Variants in PAPSS1 observed in about 807,000 individuals in gnomAD.
PAPSS1 encodes 3'-phosphoadenosine 5'-phosphosulfate synthase 1.
In PAPSS1, 50 loss-of-function variants were observed where a neutral mutation model predicts 72.0. The observed-to-expected ratio is 0.69, with a 90% CI of 0.55 to 0.88. PAPSS1 has a LOEUF of 0.88. PAPSS1 is among the 40% of genes least tolerant of loss of function. PAPSS1 has a pLI of 0.00. For synonymous variants in PAPSS1, 261 were observed against 263.6 expected (o/e 0.99, Z 0.09); for missense variants, 657 against 782.2 (o/e 0.84, Z 1.91).
At chr4:107,704,895 G>A (rs777195003) in intron 1 of PAPSS1, among the ~76,000 whole-genome samples, 16 of 151,400 alleles carry the variant, frequency 1.1e-4, no homozygotes, top group Non-Finnish European at 1.9e-4. Flanking sequence ...AGGTTGCAGT[G>A]AGCCAAGATC....
chr4:107,664,925 C>T (rs867694664), intron 5 of PAPSS1, among the ~76,000 whole-genome samples: 1 of 152,274 alleles, frequency 6.6e-6, no homozygotes, highest in African/African-American at 2.4e-5. Flanking sequence ...TCATTAGAAG[C>T]ATTTCATAAA....
intron 9 of PAPSS1, among the ~76,000 whole-genome samples, chr4:107,650,868 T>C (rs1726820873): frequency 6.6e-6 from 1 of 152,132 alleles, no homozygotes; most frequent in South Asian, 2.1e-4. Flanking sequence ...ACAGAATTTG[T>C]CTGGCATAAG....
At chr4:107,698,618 G>A (rs1034339401) in intron 2 of PAPSS1, among the ~76,000 whole-genome samples, 2 of 152,128 alleles carry the variant, frequency 1.3e-5, no homozygotes, top group Non-Finnish European at 2.9e-5. Context: ...ACTCACTGTG[G>A]GGAAAAGTAC....
chr4:107,698,533 G>A (rs926403909), intron 2 of PAPSS1, among the ~76,000 whole-genome samples: 2 of 152,158 alleles, frequency 1.3e-5, no homozygotes, highest in African/African-American at 2.4e-5. Flanking sequence ...GTGAGGGGAG[G>A]ACAGGGGGCA....
rs1272988408 is a variant in PAPSS1 at position 107,644,978 on chromosome 4, A to G, written c.1330T>C (p.Tyr444His). ...TGGAGGAGGAGGACAGGGCGCCGGT[A>G]GCCCCTCTCTAGAAGTTGCTTATGG... ...DTHKQLLERG[Y>H]RRPVLLLHPL... The change falls in exon 10 of 12, where the codon TAC (tyrosine) becomes CAC (histidine). Residue 444 changes from tyrosine to histidine, a missense_variant. By Grantham distance (83) the Tyr-to-His change is moderately conservative. Around this residue, in one of 7 missense-constraint regions of PAPSS1, gnomAD observed 166 missense variants for 228.3 expected, o/e 0.73. Coordinates refer to ENST00000265174, the MANE Select transcript of PAPSS1 (RefSeq NM_005443.5). The G allele has an allele frequency of 1.2e-6, 2 of 1,613,624 alleles. No individual in the cohort carries two copies. Among genetic ancestry groups the G allele is most frequent in the Non-Finnish European group, 1.7e-6 (2 of 1,179,650 alleles).
At chr4:107,658,353 T>TA (rs5860875) in intron 6 of PAPSS1, among the ~76,000 whole-genome samples, 4,977 of 135,718 alleles carry the variant, frequency 0.037, 271 homozygotes, top group African/African-American at 0.13. Flanking sequence ...AGACTCCATT[T>TA]AAAAAAAAAA....
At chr4:107,640,058 A>C (rs1560568865) in intron 10 of PAPSS1, among the ~76,000 whole-genome samples, 1 of 152,246 alleles carries the variant, frequency 6.6e-6, no homozygotes, top group Non-Finnish European at 1.5e-5. Flanking sequence ...TATAGCTGTT[A>C]GTAACATATA....
chr4:107,621,257 G>A (rs922814643), intron 11 of PAPSS1, among the ~76,000 whole-genome samples: 3 of 152,094 alleles, frequency 2.0e-5, no homozygotes, highest in Non-Finnish European at 4.4e-5. Flanking sequence ...CTGACAAAGA[G>A]CCATTAAAAT....
intron 1 of PAPSS1, among the ~76,000 whole-genome samples, chr4:107,716,283 T>C (rs1392840393): frequency 6.6e-6 from 1 of 152,108 alleles, no homozygotes; most frequent in African/African-American, 2.4e-5. Context: ...TTTGTTAAGG[T>C]AAAATGGTCC....
At chr4:107,631,965 T>C in intron 10 of PAPSS1, 105 bp from the exon 11 acceptor site, 1 of 757,644 alleles carries the variant, frequency 1.3e-6, no homozygotes, top group Non-Finnish European at 2.1e-6. Context: ...TCATTATCGG[T>C]AGGAAATCTC....
chr4:107,709,194 TAAAA>T (rs934062016), intron 1 of PAPSS1, among the ~76,000 whole-genome samples: 1 of 152,016 alleles, frequency 6.6e-6, no homozygotes, highest in East Asian at 1.9e-4. Context: ...AAAATAAACT[TAAAA>T]AAAATTGCCA....
At chr4:107,657,234 C>T (rs1221559706) in intron 6 of PAPSS1, among the ~76,000 whole-genome samples, 2 of 152,152 alleles carry the variant, frequency 1.3e-5, no homozygotes, top group Non-Finnish European at 2.9e-5. Flanking sequence ...AAGACAGCCT[C>T]TCCTAAACTA....
At chr4:107,650,799 T>A (rs536497931) in intron 9 of PAPSS1, among the ~76,000 whole-genome samples, 11 of 152,046 alleles carry the variant, frequency 7.2e-5, no homozygotes, top group African/African-American at 2.7e-4. Flanking sequence ...TTTTCATGAA[T>A]ACAAAATGGT....
intron 5 of PAPSS1, among the ~76,000 whole-genome samples, chr4:107,671,378 G>A (rs1727463099): frequency 6.6e-6 from 1 of 151,174 alleles, no homozygotes; most frequent in African/African-American, 2.4e-5. Context: ...CCCCAAAGAA[G>A]TGATTATGAA....
chr4:107,645,939 G>T (rs1324075783), intron 9 of PAPSS1, among the ~76,000 whole-genome samples: 1 of 152,140 alleles, frequency 6.6e-6, no homozygotes, highest in Non-Finnish European at 1.5e-5. Context: ...GTAACAAAAG[G>T]TACCACAGGA....
intron 5 of PAPSS1, among the ~76,000 whole-genome samples, chr4:107,666,442 T>A (rs1727317931): frequency 6.6e-6 from 1 of 152,200 alleles, no homozygotes; most frequent in South Asian, 2.1e-4. Flanking sequence ...AAAATGAAGA[T>A]GCTGTGAGAA....
intron 11 of PAPSS1, among the ~76,000 whole-genome samples, chr4:107,619,836 A>G (rs533902721): frequency 1.3e-5 from 2 of 152,338 alleles, no homozygotes; most frequent in South Asian, 4.1e-4. Flanking sequence ...CAGCAGACAG[A>G]ATGCTAGCTC....
chr4:107,677,139 T>G (rs1380010086), intron 5 of PAPSS1, among the ~76,000 whole-genome samples: 2 of 152,104 alleles, frequency 1.3e-5, no homozygotes, highest in South Asian at 2.1e-4. Flanking sequence ...GGACTTCATA[T>G]CTAAAACACC....
intron 1 of PAPSS1, among the ~76,000 whole-genome samples, chr4:107,715,382 G>A (rs1330199934): frequency 1.3e-5 from 2 of 152,104 alleles, no homozygotes; most frequent in African/African-American, 4.8e-5. Flanking sequence ...TGTTAAACCT[G>A]GGGATGGGGG....
Sources: allele counts gnomAD v4.1 joint callset (sites outside exome capture counted in the v4.1 genomes callset), GRCh38; gene constraint gnomAD v4.1.1; regional missense constraint gnomAD v4.1.1; transcripts MANE v1.5; gene names NCBI Gene and HGNC (gene_info 2026-07-23, HGNC 2026-07-21).